Variants in QPRT observed in about 807,000 individuals in gnomAD.
QPRT encodes the protein nicotinate-nucleotide pyrophosphorylase [carboxylating].
QPRT carries 17 observed loss-of-function variants against 19.8 expected under a neutral mutation model. The ratio of observed to expected loss-of-function variants is 0.86; its 90% CI spans 0.59 to 1.29. QPRT has a LOEUF of 1.29. QPRT is among the 50% of genes most tolerant of loss of function. The pLI is 0.00. For missense variants in QPRT, 336 were observed against 405.1 expected, an observed-to-expected ratio of 0.83 and a Z score of 1.46; for synonymous variants, 178 against 191.0, an observed-to-expected ratio of 0.93 and a Z score of 0.56.
chr16:29,693,805 G>A (rs574144318), intron 1 of QPRT, among the ~76,000 whole-genome samples: 122 of 152,002 alleles, frequency 8.0e-4, no homozygotes, highest in African/African-American at 2.9e-3. Context: ...GGCTAGGCTG[G>A]TCTCAAACTC....
intron 2 of QPRT, 45 bp from the exon 3 acceptor site, chr16:29,696,951 G>C: frequency 6.5e-7 from 1 of 1,542,278 alleles, no homozygotes; most frequent in Non-Finnish European, 8.7e-7. Context: ...CCAGTGCCAG[G>C]TGCTGGGCCC....
chr16:29,687,304 G>T (rs9922666), intron 1 of QPRT, among the ~76,000 whole-genome samples: 43,677 of 152,122 alleles, frequency 0.29, 6,724 homozygotes, highest in African/African-American at 0.39. Context: ...CCATATAAAT[G>T]TGCTGCTTTT....
In QPRT at chr16:29,697,569, G is replaced by A; in HGVS notation, c.*158G>A. The A allele has an allele frequency of 1.4e-6, 1 of 728,980 alleles. No homozygotes were observed. Among genetic ancestry groups the A allele is most frequent in the Non-Finnish European group, 2.2e-6 (1 of 453,702 alleles). The allele number at this position is 728,980 out of a possible 1,614,324, so 45.2% of individuals were successfully genotyped here. On this transcript the variant is annotated 3_prime_UTR_variant, in exon 4 of 4. Coordinates refer to ENST00000395384, the MANE Select transcript of QPRT (RefSeq NM_014298.6). The surrounding 1 kb of genome is among the most constrained non-coding windows in gnomAD (Gnocchi z 4.4). ...CACCTGCTGCTCCTGTGACCTGTCA[G>A]GGCTGACTTCACCTCTGCTCATCTC...
In QPRT at chr16:29,695,543, G is replaced by A. The variant is rs546636525; in HGVS notation, c.549+344G>A. Among the ~76,000 whole-genome samples, 13 of 141,824 alleles carry A rather than the reference G, an allele frequency of 9.2e-5. No individual in the cohort carries two copies. The South Asian group carries it at 2.5e-3, about 27-fold the overall frequency. The allele number at this position is 141,824 out of a possible 152,430, so 93.0% of individuals were successfully genotyped here. On this transcript the variant is annotated intron_variant, in intron 2 of 3. Coordinates refer to ENST00000395384, the MANE Select transcript of QPRT (RefSeq NM_014298.6). Reference sequence around the variant, plus strand: ...CTCACTCTTTCACCCAGGCTGGAGTGAAGTGATGCAATCTCGGCTCACTGG... The same window carrying A: ...CTCACTCTTTCACCCAGGCTGGAGTAAAGTGATGCAATCTCGGCTCACTGG...
intron 1 of QPRT, among the ~76,000 whole-genome samples, chr16:29,681,083 A>G (rs962728389): frequency 1.3e-5 from 2 of 151,100 alleles, no homozygotes; most frequent in Admixed American, 1.3e-4. Flanking sequence ...CCACTGTGGA[A>G]CCAGCTCTCA....
intron 1 of QPRT, among the ~76,000 whole-genome samples, chr16:29,692,773 A>G (rs1967388070): frequency 6.6e-6 from 1 of 150,642 alleles, no homozygotes; most frequent in Non-Finnish European, 1.5e-5. Context: ...AAATAAATAA[A>G]TCAGGTTAGG....
intron 1 of QPRT, among the ~76,000 whole-genome samples, 156 bp from the exon 2 acceptor site, chr16:29,694,508 C>T (rs1372193765): frequency 2.0e-5 from 3 of 151,148 alleles, no homozygotes; most frequent in South Asian, 2.1e-4. Flanking sequence ...CTTCCCCCCA[C>T]GCCCCCCTTC....
chr16:29,697,379 AAAG>A lies in QPRT; in HGVS notation c.864_866del (p.Glu289del). 6.2e-7 allele frequency: 1 copy of A among 1,613,590 alleles called. No homozygotes were observed. The highest frequency in any genetic ancestry group is 8.5e-7 in the Non-Finnish European group (1 of 1,179,936). ...TGATTTCTCCCTCAAGCTGTTTGCC[AAAG>A]AGGTGGCTCCAGTGCCCAAAATCCA... On this transcript the variant is annotated inframe_deletion, in exon 4 of 4. Transcript: ENST00000395384. The surrounding 1 kb of genome is among the most constrained non-coding windows in gnomAD (Gnocchi z 4.4).
Position 29,694,921 on chromosome 16 carries a change from C to T in QPRT, c.271C>T (p.Arg91Trp), listed in dbSNP as rs779629901. The part of the protein sequence containing the change: ...LVPVARVAEV[R>W]GPAHCLLLGE... ...GCCGGTGGCCAGAGTGGCCGAGGTC[C>T]GGGGCCCTGCCCACTGCCTGCTGCT... The change falls in exon 2 of 4, where the codon CGG becomes TGG. Residue 91 changes from arginine to tryptophan, a missense_variant. Arg to Trp is a moderately radical substitution (Grantham distance 101). Coordinates refer to ENST00000395384, the MANE Select transcript of QPRT (RefSeq NM_014298.6). 6 of 1,613,406 alleles carry T rather than the reference C, an allele frequency of 3.7e-6. No homozygotes were observed. The Admixed American group carries it at 5.0e-5, about 13-fold the overall frequency.
At chr16:29,686,537 C>T (rs2142300973) in intron 1 of QPRT, among the ~76,000 whole-genome samples, 1 of 152,352 alleles carries the variant, frequency 6.6e-6, no homozygotes, top group South Asian at 2.1e-4. Flanking sequence ...TGCTCTGTCG[C>T]CCAGGCTGGA....
intron 1 of QPRT, among the ~76,000 whole-genome samples, chr16:29,689,806 C>T (rs939566832): frequency 6.6e-6 from 1 of 152,274 alleles, no homozygotes; most frequent in African/African-American, 2.4e-5. Flanking sequence ...GTGCTCGCAG[C>T]CCCTGTCACG....
chr16:29,690,423 G>C (rs922957249), intron 1 of QPRT, among the ~76,000 whole-genome samples: 8 of 152,094 alleles, frequency 5.3e-5, no homozygotes, highest in Non-Finnish European at 1.2e-4. Context: ...TTTGGTCTTT[G>C]AGAAATTGCT....
intron 1 of QPRT, among the ~76,000 whole-genome samples, chr16:29,689,370 C>T (rs1471889994): frequency 2.6e-5 from 4 of 152,132 alleles, no homozygotes; most frequent in African/African-American, 7.2e-5. Context: ...GCTGGGATTA[C>T]GGGCATGAGC....
In QPRT at chr16:29,693,003, G is replaced by A. The variant is rs116167190; in HGVS notation, c.14-1661G>A. 4.6e-3 allele frequency among the ~76,000 whole-genome samples: 699 copies of A among 151,502 alleles called. 4 individuals are homozygous for A. The highest frequency in any genetic ancestry group is 0.016 in the African/African-American group (653 of 41,312). On this transcript the variant is annotated intron_variant, in intron 1 of 3. Transcript: ENST00000395384. ...TTGAATCCGGAAGGCGGAGGTTGAA[G>A]CGAGCCGAGATCACTCCATTGCACT... is the stretch of plus-strand genomic sequence containing the variant.
intron 1 of QPRT, among the ~76,000 whole-genome samples, chr16:29,693,403 G>A (rs1967412095): frequency 6.6e-6 from 1 of 151,462 alleles, no homozygotes; most frequent in African/African-American, 2.4e-5. Context: ...CTCCCGAGTG[G>A]CTAGGATTAC....
At position 29,696,979 on chromosome 16, in the gene QPRT, T is replaced by C; in HGVS notation, c.550-17T>C. The stretch of plus-strand genomic sequence containing the variant: ...CTGGGCCCAGTCCTCACCCTTGTCC[T>C]CCCGGCTGCCCAGCAGGCGGTGCGG... On this transcript the variant is annotated splice_polypyrimidine_tract_variant and intron_variant, in intron 2 of 3. Coordinates refer to ENST00000395384, the MANE Select transcript of QPRT (RefSeq NM_014298.6). 6.3e-7 allele frequency: 1 copy of C among 1,587,504 alleles called. No individual in the cohort carries two copies. The highest frequency in any genetic ancestry group is 8.6e-7 in the Non-Finnish European group (1 of 1,169,392).
chr16:29,695,434 C>G (rs914969896), intron 2 of QPRT, among the ~76,000 whole-genome samples: 50 of 151,068 alleles, frequency 3.3e-4, no homozygotes, highest in African/African-American at 1.2e-3. Flanking sequence ...GCCTCAGTCT[C>G]TCCAGTAGCT....
chr16:29,689,435 A>AT (rs1158864226), intron 1 of QPRT, among the ~76,000 whole-genome samples: 1 of 152,086 alleles, frequency 6.6e-6, no homozygotes, highest in Non-Finnish European at 1.5e-5. Flanking sequence ...GTGCAGGTTT[A>AT]TTATATAGGT....
chr16:29,689,146 T>C (rs1192905885), intron 1 of QPRT, among the ~76,000 whole-genome samples: 2 of 137,670 alleles, frequency 1.5e-5, no homozygotes, highest in African/African-American at 5.5e-5. Context: ...CCAGGATGGA[T>C]TGCAATGGCG....
Sources: allele counts gnomAD v4.1 joint callset (sites outside exome capture counted in the v4.1 genomes callset), GRCh38; gene constraint gnomAD v4.1.1; non-coding constraint Gnocchi (gnomAD v3.1); transcripts MANE v1.5; gene names NCBI Gene and HGNC (gene_info 2026-07-23, HGNC 2026-07-21).